The following DONSON variants were observed in gnomAD, a reference collection of about 807,000 sequenced individuals.
The protein encoded by DONSON is protein downstream neighbor of Son.
A neutral mutation model predicts 62.1 loss-of-function variants in DONSON; 43 were observed. That is an observed-to-expected ratio of 0.69 (90% confidence interval 0.54 to 0.89). DONSON has a LOEUF of 0.89. Among genes scored for constraint, DONSON ranks in the 40% least tolerant of loss-of-function variants. The pLI is 0.00. For synonymous variants in DONSON, 266 were observed against 264.6 expected (o/e 1.01, Z -0.05); for missense variants, 696 against 697.5 (o/e 1.00, Z 0.03).
Position 33,586,052 on chromosome 21 carries a change from T to G in DONSON, c.532A>C (p.Lys178Gln), listed in dbSNP as rs1569077151. 3.1e-6 allele frequency: 5 copies of G among 1,614,100 alleles called. No homozygotes were observed. The highest frequency in any genetic ancestry group is 4.2e-6 in the Non-Finnish European group (5 of 1,180,044). Residue 178 changes from lysine to glutamine, a missense_variant, in exon 3 of 10, where the codon AAA (lysine) becomes CAA (glutamine). Physicochemically the swap from Lys to Gln is moderately conservative, Grantham distance 53. Coordinates refer to ENST00000303071, the MANE Select transcript of DONSON (RefSeq NM_017613.4). Reference protein sequence around the residue: ...SQPFTWADHLKAQEEAQGLVQ... With the variant: ...SQPFTWADHLQAQEEAQGLVQ... ...AGACCTTGAGCTTCTTCCTGTGCTT[T>G]CAAATGATCTGCCCAGGTAAAGGGT...
At position 33,577,678 on chromosome 21, in the gene DONSON, CACACACACACACACACA is replaced by C. The variant is rs2086445813; in HGVS notation, c.*612_*628del. On this transcript the variant is annotated 3_prime_UTR_variant, in exon 10 of 10. Coordinates refer to ENST00000303071, the MANE Select transcript of DONSON (RefSeq NM_017613.4). Reference sequence around the variant, plus strand: ...ACACACACACACACACACACACACACACACACACACACACACACACACACCCCTATAAGCACATTAAA... The same window carrying C: ...ACACACACACACACACACACACACACCACACACCCCTATAAGCACATTAAA... 1.9e-5 allele frequency: 2 copies of C among 103,578 alleles called. No individual in the cohort carries two copies. The highest frequency in any genetic ancestry group is 9.4e-5 in the Admixed American group (1 of 10,616). 6.4% of individuals were successfully genotyped at this position (103,578 alleles called of 1,614,324 possible).
At chr21:33,583,828 A>G (rs904977396) in intron 4 of DONSON, among the ~76,000 whole-genome samples, 162 bp from the exon 5 acceptor site, 1 of 151,956 alleles carries the variant, frequency 6.6e-6, no homozygotes, top group Non-Finnish European at 1.5e-5. Context: ...TAAAGGACTG[A>G]AATTGGTTAT....
intron 3 of DONSON, among the ~76,000 whole-genome samples, chr21:33,585,455 C>T (rs2086567280): frequency 7.1e-6 from 1 of 140,560 alleles, no homozygotes. Context: ...CTCAAGCAAT[C>T]CCCCCACCTC....
Position 33,581,511 on chromosome 21 carries a change from C to T in DONSON, c.1152-11G>A. 6.2e-7 allele frequency: 1 copy of T among 1,607,150 alleles called. No homozygotes were observed. Among genetic ancestry groups the T allele is most frequent in the Non-Finnish European group, 8.5e-7 (1 of 1,175,688 alleles). Reference sequence around the variant, plus strand: ...TGTTTCTCTTTACGCCTGAAGATGACAATCAAGGAAATTGCAAAAGCAAAT... The same window carrying T: ...TGTTTCTCTTTACGCCTGAAGATGATAATCAAGGAAATTGCAAAAGCAAAT... On this transcript the variant is annotated splice_polypyrimidine_tract_variant and intron_variant, in intron 7 of 9. Coordinates refer to ENST00000303071, the MANE Select transcript of DONSON (RefSeq NM_017613.4).
chr21:33,577,704 CCT>C lies in DONSON; in HGVS notation c.*601_*602del, dbSNP rs1171902154. 2.9e-5 allele frequency: 4 copies of C among 139,154 alleles called. No individual in the cohort carries two copies. Among genetic ancestry groups the C allele is most frequent in the East Asian group, 2.5e-4 (1 of 4,062 alleles). 8.6% of individuals were successfully genotyped at this position (139,154 alleles called of 1,614,324 possible). ...ACACACACACACACACACACACACC[CCT>C]ATAAGCACATTAAATACTACTTTGC... is the stretch of plus-strand genomic sequence containing the variant. On this transcript the variant is annotated 3_prime_UTR_variant, in exon 10 of 10. Coordinates refer to ENST00000303071, the MANE Select transcript of DONSON (RefSeq NM_017613.4).
chr21:33,584,647 C>G lies in DONSON; in HGVS notation c.728G>C (p.Gly243Ala). 1.2e-6 allele frequency: 2 copies of G among 1,613,208 alleles called. No homozygotes were observed. Among genetic ancestry groups the G allele is most frequent in the Non-Finnish European group, 1.7e-6 (2 of 1,179,410 alleles). The change falls in exon 4 of 10, where the codon GGA becomes GCA. Residue 243 changes from glycine to alanine, a missense_variant. Gly to Ala is a moderately conservative substitution (Grantham distance 60, BLOSUM62 0). Coordinates refer to ENST00000303071, the MANE Select transcript of DONSON (RefSeq NM_017613.4). ...PRIGADRKMA[G>A]KTSPWSNDAT... is the part of the protein sequence containing the mutation. ...ATCATTTGACCAAGGACTTGTCTTT[C>G]CAGCCATTTTTCTATCAGCTCCAAT...
At chr21:33,580,390 C>CA (rs1376501448) in intron 8 of DONSON, among the ~76,000 whole-genome samples, 2 of 109,514 alleles carry the variant, frequency 1.8e-5, no homozygotes, top group Admixed American at 1.0e-4. Context: ...CCCGTCTCTA[C>CA]AAAAAATACA....
In DONSON at chr21:33,588,360, G is replaced by C. The variant is rs756317233; in HGVS notation, c.282C>G (p.Pro94=). ...CCGGCTGCTCGCGGGCCGGCCCGTC[G>C]GGGGGCTCCGCGGCGACCCGCGGTC... ...DNRPRVAAEP[P]DGPAREQPEA... is the part of the protein sequence containing the mutation. Residue 94 remains proline (P), a synonymous_variant, in exon 1 of 10, where the codon CCC becomes CCG. Coordinates refer to ENST00000303071, the MANE Select transcript of DONSON (RefSeq NM_017613.4). The C allele has an allele frequency of 7.7e-7, 1 of 1,292,696 alleles. No homozygotes were observed. Among genetic ancestry groups the C allele is most frequent in the Non-Finnish European group, 9.8e-7 (1 of 1,025,068 alleles). 80.1% of individuals were successfully genotyped at this position (1,292,696 alleles called of 1,614,324 possible). A position where few individuals can be genotyped will look rare whatever the true frequency, so the allele number is the denominator to read the frequency against.
rs2086447468 is a variant in DONSON at position 33,577,685 on chromosome 21, AC to A, written c.*621del. ...CACACACACACACACACACACACAC[AC>A]ACACACACACACACACCCCTATAAG... On this transcript the variant is annotated 3_prime_UTR_variant, in exon 10 of 10. Transcript: ENST00000303071. 8.7e-6 allele frequency: 1 copy of A among 114,524 alleles called. No individual in the cohort carries two copies. The highest frequency in any genetic ancestry group is 8.8e-5 in the Admixed American group (1 of 11,330). 7.1% of individuals were successfully genotyped at this position (114,524 alleles called of 1,614,324 possible). A position where few individuals can be genotyped will look rare whatever the true frequency, so the allele number is the denominator to read the frequency against.
At chr21:33,581,179 G>T in intron 8 of DONSON, 123 bp downstream of exon 8, 2 of 863,920 alleles carry the variant, frequency 2.3e-6, no homozygotes, top group Non-Finnish European at 3.4e-6. Flanking sequence ...TTTTTTAATG[G>T]GAGGAAAGCA....
Position 33,577,604 on chromosome 21 carries a change from T to TACACACACAC in DONSON, c.*693_*702dup, listed in dbSNP as rs71194853. 2.4e-5 allele frequency: 2 copies of TACACACACAC among 84,450 alleles called. No homozygotes were observed. The highest frequency in any genetic ancestry group is 2.6e-4 in the Admixed American group (2 of 7,596). 5.2% of individuals were successfully genotyped at this position (84,450 alleles called of 1,614,324 possible). ...AAATGTGAATTATACAGTCCCCCCC[T>TACACACACAC]ACACACACACACACACACACACACA... On this transcript the variant is annotated 3_prime_UTR_variant, in exon 10 of 10. Transcript: ENST00000303071.
intron 2 of DONSON, 36 bp downstream of exon 2, chr21:33,587,486 C>A: frequency 1.3e-6 from 2 of 1,537,150 alleles, no homozygotes; most frequent in East Asian, 2.3e-5. Flanking sequence ...AAAGTTTATA[C>A]AAATACACAT....
rs947400633 is a variant in DONSON, at chr21:33,577,582, T to C, written c.*725A>G. On this transcript the variant is annotated 3_prime_UTR_variant, in exon 10 of 10. Transcript: ENST00000303071. ...TTTTTAAGCACTTTTATTTTAAAAA[T>C]GTGAATTATACAGTCCCCCCCTACA... 6.7e-6 allele frequency: 1 copy of C among 148,580 alleles called. No homozygotes were observed. Among genetic ancestry groups the C allele is most frequent in the African/African-American group, 2.5e-5 (1 of 39,812 alleles). The allele number at this position is 148,580 out of a possible 1,614,324, so 9.2% of individuals were successfully genotyped here.
intron 9 of DONSON, 103 bp from the exon 10 acceptor site, chr21:33,578,547 G>GGA: frequency 1.6e-6 from 2 of 1,233,868 alleles, no homozygotes; most frequent in Non-Finnish European, 2.2e-6. Flanking sequence ...GCTGATTAAT[G>GGA]TGATTCATCC....
At chr21:33,583,200 CAAAAAAAAAAAAAAA>C (rs552034893) in intron 5 of DONSON, among the ~76,000 whole-genome samples, 3 of 58,930 alleles carry the variant, frequency 5.1e-5, no homozygotes, top group South Asian at 1.3e-3. Flanking sequence ...GTCTCCATCT[CAAAAAAAAAAAAAAA>C]AAAAAAAAAA....
chr21:33,581,842 G>T, intron 7 of DONSON, 109 bp downstream of exon 7: 2 of 970,226 alleles, frequency 2.1e-6, no homozygotes, highest in Non-Finnish European at 3.1e-6. Flanking sequence ...GTTTTAATAT[G>T]ACCTGAAGAT....
Position 33,584,577 on chromosome 21 carries a change from T to G in DONSON, c.785+13A>C. On this transcript the variant is annotated intron_variant, in intron 4 of 9. Coordinates refer to ENST00000303071, the MANE Select transcript of DONSON (RefSeq NM_017613.4). ...CACTATTGAATTATACAAGTTTCTC[T>G]TACTAATCTTACCAGTCACTCATTA... The G allele has an allele frequency of 6.4e-7, 1 of 1,574,776 alleles. No individual in the cohort carries two copies.
rs2086517856 is a variant in DONSON at position 33,582,070 on chromosome 21, C to T, written c.1047-15G>A. 1 of 1,613,566 alleles carries T rather than the reference C, an allele frequency of 6.2e-7. No homozygotes were observed. The highest frequency in any genetic ancestry group is 8.5e-7 in the Non-Finnish European group (1 of 1,179,520). ...TGGCTTGCTCCCTAGGAAATTGCTACAGTTAGAGTCCCTATTTCACAAGCT... is the reference window on the plus strand; with the variant it reads ...TGGCTTGCTCCCTAGGAAATTGCTATAGTTAGAGTCCCTATTTCACAAGCT... On this transcript the variant is annotated splice_polypyrimidine_tract_variant and intron_variant, in intron 6 of 9. Transcript: ENST00000303071.
At chr21:33,578,839 A>C (rs1194803450) in intron 9 of DONSON, among the ~76,000 whole-genome samples, 3 of 152,232 alleles carry the variant, frequency 2.0e-5, no homozygotes, top group African/African-American at 7.2e-5. Context: ...GTCACTGTTA[A>C]AACTATTTGG....
Sources: gnomAD v4.1 joint callset for allele counts (sites outside exome capture counted in the v4.1 genomes callset) on GRCh38, gnomAD v4.1.1 for gene constraint, MANE v1.5 for transcripts, NCBI Gene and HGNC (gene_info 2026-07-23, HGNC 2026-07-21) for gene names.